The following SHOC2 variants were observed in gnomAD, a reference collection of about 807,000 sequenced individuals.
SHOC2 encodes SHOC2 leucine rich repeat scaffold protein, also known as leucine-rich repeat protein SHOC-2.
In SHOC2, 4 loss-of-function variants were observed where a neutral mutation model predicts 50.2. The observed-to-expected ratio is 0.08, with a 90% CI of 0.04 to 0.18. The LOEUF (loss-of-function observed/expected upper bound fraction) is 0.18. SHOC2 is among the 10% of genes least tolerant of loss of function. The pLI is 1.00. For synonymous variants in SHOC2, 218 were observed against 244.5 expected (o/e 0.89, Z 1.01); for missense variants, 388 against 669.6 (o/e 0.58, Z 4.64).
intron 1 of SHOC2, among the ~76,000 whole-genome samples, chr10:110,939,285 C>T (rs557798305): frequency 6.6e-6 from 1 of 152,136 alleles, no homozygotes; most frequent in African/African-American, 2.4e-5. Context: ...GTGGCACCAT[C>T]ATGGCTCACT....
At chr10:110,940,105 G>T (rs1338174740) in intron 1 of SHOC2, among the ~76,000 whole-genome samples, 1 of 152,170 alleles carries the variant, frequency 6.6e-6, no homozygotes, top group African/African-American at 2.4e-5. Flanking sequence ...AATGATAAAA[G>T]TTATTAGTGC....
intron 1 of SHOC2, among the ~76,000 whole-genome samples, chr10:110,947,839 T>C (rs2134099400): frequency 6.6e-6 from 1 of 151,262 alleles, no homozygotes; most frequent in Middle Eastern, 3.4e-3. Flanking sequence ...AGCTACAAGA[T>C]AGTCAGAAAA....
intron 2 of SHOC2, among the ~76,000 whole-genome samples, chr10:110,983,773 G>GT (rs946985829): frequency 2.6e-5 from 4 of 151,950 alleles, no homozygotes; most frequent in South Asian, 2.1e-4. Context: ...TCATAAAATT[G>GT]TTTTTTTGTG....
chr10:110,937,213 C>G (rs1847042907), intron 1 of SHOC2: 5 of 1,436,448 alleles, frequency 3.5e-6, no homozygotes, highest in Non-Finnish European at 4.9e-6. Flanking sequence ...CATCAAGCAC[C>G]AGGACCTGCA....
At chr10:110,925,369 T>C (rs924893253) in intron 1 of SHOC2, among the ~76,000 whole-genome samples, 1 of 152,184 alleles carries the variant, frequency 6.6e-6, no homozygotes, top group Non-Finnish European at 1.5e-5. Flanking sequence ...AACTTGAGAA[T>C]TGACTAATTT....
In SHOC2 at chr10:111,011,600, T is replaced by G. The variant is rs202207809; in HGVS notation, c.1541-10T>G. On this transcript the variant is annotated splice_polypyrimidine_tract_variant and intron_variant, in intron 8 of 8. Transcript: ENST00000369452. ...ATTTTTAAAAAAAAATTGATTTTTTTTTTAAACAGGTACACTGGAGAACCT... is the reference window on the plus strand; with the variant it reads ...ATTTTTAAAAAAAAATTGATTTTTTGTTTAAACAGGTACACTGGAGAACCT... 65 of 1,606,966 alleles carry G rather than the reference T, an allele frequency of 4.0e-5. No homozygotes were observed. Among genetic ancestry groups the G allele is most frequent in the Non-Finnish European group, 5.4e-5 (64 of 1,174,878 alleles).
chr10:110,957,535 C>CA (rs1436429883), intron 1 of SHOC2, among the ~76,000 whole-genome samples: 3 of 148,290 alleles, frequency 2.0e-5, no homozygotes, highest in African/African-American at 7.5e-5. Context: ...TGAAGATACC[C>CA]CCCCCCCAGC....
In SHOC2 at chr10:110,988,873, CT is replaced by C. The variant is rs1484819321; in HGVS notation, c.841+3112del. The C allele has an allele frequency of 2.6e-5, 12 of 460,376 alleles. No homozygotes were observed. In the East Asian group the frequency reaches 7.7e-4, roughly 30 times the overall value. The allele number at this position is 460,376 out of a possible 1,614,324, so 28.5% of individuals were successfully genotyped here. On this transcript the variant is annotated intron_variant, in intron 3 of 8. Transcript: ENST00000369452. ...ACAAATTCTGATATGTTGTATTTTC[CT>C]TTTAAAAGTTTTTTCTAATTTACCC... is the stretch of plus-strand genomic sequence containing the variant.
At chr10:110,963,357 T>C (rs1042834225) in intron 1 of SHOC2, among the ~76,000 whole-genome samples, 1 of 152,208 alleles carries the variant, frequency 6.6e-6, no homozygotes, top group African/African-American at 2.4e-5. Flanking sequence ...TACACATCAT[T>C]GGACATTGCC....
In SHOC2 at chr10:111,011,764, T is replaced by A. The variant is rs770183343; in HGVS notation, c.1695T>A (p.Pro565=). Residue 565 remains proline, a synonymous_variant, in exon 9 of 9, where the codon CCT becomes CCA. Coordinates refer to ENST00000369452, the MANE Select transcript of SHOC2 (RefSeq NM_007373.4). ...CACCTCAGATTGTTGCTGGGGGGCC[T>A]TCTTTCATCATTCAGTTCTTAAAGA... The part of the protein sequence containing the change: ...HLPPQIVAGG[P]SFIIQFLKMQ... 39 of 1,613,932 alleles carry A rather than the reference T, an allele frequency of 2.4e-5. No individual in the cohort carries two copies. The highest frequency in any genetic ancestry group is 3.1e-5 in the Non-Finnish European group (37 of 1,179,958).
chr10:110,944,398 A>AG lies in SHOC2; in HGVS notation c.-234-19727_-234-19726insG, dbSNP rs1203528443. On this transcript the variant is annotated intron_variant, in intron 1 of 8. Coordinates refer to ENST00000369452, the MANE Select transcript of SHOC2 (RefSeq NM_007373.4). ...TATCTTTGAGCCAAAAAAAAAAAAA[A>AG]AAGCTGACTTAGAAGTGTTTAATAA... Among the ~76,000 whole-genome samples, 3 of 151,726 alleles carry AG rather than the reference A, an allele frequency of 2.0e-5. No homozygotes were observed. The East Asian group carries it at 5.8e-4, about 29-fold the overall frequency.
chr10:110,969,890 TATGAGAAATAATA>T (rs553550547), intron 2 of SHOC2, among the ~76,000 whole-genome samples: 127 of 152,312 alleles, frequency 8.3e-4, no homozygotes, highest in Middle Eastern at 3.4e-3. Context: ...CATTCATATG[TATGAGAAATAATA>T]ATGAGAAATA....
chr10:110,921,076 C>A (rs536222964), intron 1 of SHOC2, among the ~76,000 whole-genome samples: 13 of 152,322 alleles, frequency 8.5e-5, no homozygotes, highest in African/African-American at 3.1e-4. Flanking sequence ...ACTTACTAAT[C>A]TTTACCCTCA....
chr10:110,982,020 A>C (rs1006504310), intron 2 of SHOC2, among the ~76,000 whole-genome samples: 1 of 94,574 alleles, frequency 1.1e-5, no homozygotes, highest in South Asian at 3.9e-4. Flanking sequence ...CCCACCCCAC[A>C]ACAGTCCCCA....
At chr10:110,965,094 ATTTG>A in intron 2 of SHOC2, 33 bp downstream of exon 2, 4 of 1,579,664 alleles carry the variant, frequency 2.5e-6, no homozygotes, top group Non-Finnish European at 3.5e-6. Context: ...TATTTGTAGT[ATTTG>A]TTATGCTAAA....
At chr10:110,945,576 A>G (rs1464792839) in intron 1 of SHOC2, among the ~76,000 whole-genome samples, 2 of 152,178 alleles carry the variant, frequency 1.3e-5, no homozygotes, top group Admixed American at 1.3e-4. Flanking sequence ...TGGAAGAGAC[A>G]GTTTTTAGAG....
At chr10:110,941,248 T>C (rs555371621) in intron 1 of SHOC2, among the ~76,000 whole-genome samples, 37 of 152,236 alleles carry the variant, frequency 2.4e-4, no homozygotes, top group African/African-American at 8.7e-4. Context: ...TATTTGAACA[T>C]ACTTGTTTTC....
chr10:110,919,594 G>A (rs566754693), upstream of SHOC2: 26 of 396,206 alleles, frequency 6.6e-5, no homozygotes, highest in East Asian at 9.0e-4. Context: ...TCGCTTCTTA[G>A]GAGGAGGAGG....
At chr10:110,990,497 C>G (rs1345839960) in intron 3 of SHOC2, among the ~76,000 whole-genome samples, 4 of 150,776 alleles carry the variant, frequency 2.7e-5, no homozygotes, top group Non-Finnish European at 5.9e-5. Context: ...ACCTGTGTGT[C>G]GAAACTCTGT....
Sources: gnomAD v4.1 joint callset for allele counts (sites outside exome capture counted in the v4.1 genomes callset) on GRCh38, gnomAD v4.1.1 for gene constraint, MANE v1.5 for transcripts, NCBI Gene and HGNC (gene_info 2026-07-23, HGNC 2026-07-21) for gene names.